The following OSGEPL1 variants were observed in gnomAD, a reference collection of about 807,000 sequenced individuals.
OSGEPL1 encodes the protein O-sialoglycoprotein endopeptidase like 1.
Under a neutral mutation model 37.2 loss-of-function variants are expected in OSGEPL1, and 26 were observed. The ratio of observed to expected loss-of-function variants is 0.70; its 90% CI spans 0.51 to 0.97. OSGEPL1 has a LOEUF of 0.97. Among genes scored for constraint, OSGEPL1 ranks in the 50% least tolerant of loss-of-function variants. The pLI, the probability that OSGEPL1 is intolerant of heterozygous loss-of-function variation, is 0.00. For synonymous variants in OSGEPL1, 140 were observed against 159.9 expected (o/e 0.88, Z 0.94); for missense variants, 404 against 487.0 (o/e 0.83, Z 1.60).
At chr2:189,749,362 G>C (rs1485584836) in intron 8 of OSGEPL1, among the ~76,000 whole-genome samples, 1 of 149,798 alleles carries the variant, frequency 6.7e-6, no homozygotes, top group Admixed American at 6.7e-5. Context: ...ATGAGCCTAG[G>C]AGTTCTACTC....
intron 8 of OSGEPL1, among the ~76,000 whole-genome samples, chr2:189,749,461 T>C (rs756844028): frequency 4.7e-4 from 71 of 151,664 alleles, no homozygotes; most frequent in Non-Finnish European, 3.2e-4. Flanking sequence ...GAGGGTTACA[T>C]TCAAAGAATT....
At chr2:189,755,957 A>G (rs1159941076) in intron 2 of OSGEPL1, among the ~76,000 whole-genome samples, 1 of 152,234 alleles carries the variant, frequency 6.6e-6, no homozygotes, top group Non-Finnish European at 1.5e-5. Flanking sequence ...TAAAATGATT[A>G]TATCTTAAAC....
rs776889692 is a variant in OSGEPL1 at position 189,753,951 on chromosome 2, G to A, written c.928C>T (p.Gln310Ter). Residue 310 changes from glutamine to a stop codon, truncating the protein, a stop_gained, in exon 5 of 9, where the codon CAG (glutamine) becomes TAG (stop). Coordinates refer to ENST00000264151, the MANE Select transcript of OSGEPL1 (RefSeq NM_022353.3). LOFTEE classifies it high-confidence loss of function. Reference sequence around the variant, plus strand: ...TTATTTTGAGGTAACAAGTCTCTCTGCTTACAAAACAGAATAGCCCGATGT... The same window carrying A: ...TTATTTTGAGGTAACAAGTCTCTCTACTTACAAAACAGAATAGCCCGATGT... ...RTHRAILFCK[Q>*]RDLLPQNNAV... 7 of 1,613,578 alleles carry A rather than the reference G, an allele frequency of 4.3e-6. No homozygotes were observed. The highest frequency in any genetic ancestry group is 1.1e-5 in the South Asian group (1 of 91,080).
intron 8 of OSGEPL1, among the ~76,000 whole-genome samples, chr2:189,748,128 C>T (rs188262546): frequency 5.3e-5 from 8 of 152,272 alleles, no homozygotes; most frequent in Non-Finnish European, 1.0e-4. Context: ...TTATTTTCCC[C>T]GATATGTACT....
chr2:189,753,568 A>C (rs2045626514), intron 5 of OSGEPL1, among the ~76,000 whole-genome samples: 1 of 149,064 alleles, frequency 6.7e-6, no homozygotes, highest in African/African-American at 2.6e-5. Flanking sequence ...TTAAAAAAAC[A>C]AACAAACAAA....
Position 189,752,735 on chromosome 2 carries a change from A to T in OSGEPL1, c.1095-11T>A. 1 of 1,613,964 alleles carries T rather than the reference A, an allele frequency of 6.2e-7. No homozygotes were observed. Among genetic ancestry groups the T allele is most frequent in the Non-Finnish European group, 8.5e-7 (1 of 1,179,862 alleles). On this transcript the variant is annotated splice_polypyrimidine_tract_variant and intron_variant, in intron 6 of 8. Transcript: ENST00000264151. ...CTTTCAATACCATTCCTAAATAAGAAGCATTAAAATAAAATCAATAGCTCC... is the reference window on the plus strand; with the variant it reads ...CTTTCAATACCATTCCTAAATAAGATGCATTAAAATAAAATCAATAGCTCC...
rs1266030185 is a variant in OSGEPL1, at chr2:189,750,549, C to T, written c.*28+1G>A. ...AAACTTAATTTTAACCTTAATACTACCTTTAGGGACTTTTTTGAACAGCAG... is the reference window on the plus strand; with the variant it reads ...AAACTTAATTTTAACCTTAATACTATCTTTAGGGACTTTTTTGAACAGCAG... On this transcript the variant is annotated splice_donor_variant, in intron 8 of 8. Transcript: ENST00000264151. LOFTEE classifies it low-confidence loss of function (3UTR_SPLICE). 7.9e-7 allele frequency: 1 copy of T among 1,265,778 alleles called. No individual in the cohort carries two copies. Among genetic ancestry groups the T allele is most frequent in the Non-Finnish European group, 1.1e-6 (1 of 885,698 alleles). 78.4% of individuals were successfully genotyped at this position (1,265,778 alleles called of 1,614,324 possible).
intron 8 of OSGEPL1, among the ~76,000 whole-genome samples, chr2:189,749,260 A>AAAAAAAAAGAT (rs1553538643): frequency 1.4e-5 from 2 of 142,092 alleles, no homozygotes; most frequent in African/African-American, 5.1e-5. Flanking sequence ...AAAAAAAAAA[A>AAAAAAAAAGAT]AAAAAAAGAT....
chr2:189,761,131 T>C (rs192412284), intron 2 of OSGEPL1: 153 of 237,500 alleles, frequency 6.4e-4, no homozygotes, highest in African/African-American at 1.7e-3. Context: ...CCATGAAACA[T>C]AGAAGTGGAG....
chr2:189,761,404 G>A lies in OSGEPL1; in HGVS notation c.221+16C>T. The A allele has an allele frequency of 6.3e-7, 1 of 1,582,868 alleles. No homozygotes were observed. The highest frequency in any genetic ancestry group is 8.5e-7 in the Non-Finnish European group (1 of 1,169,950). Reference sequence around the variant, plus strand: ...TTTCCAAAAAAGTGGAAATGACTAAGATAATGTCTACTTACTTTAAATGAA... The same window carrying A: ...TTTCCAAAAAAGTGGAAATGACTAAAATAATGTCTACTTACTTTAAATGAA... On this transcript the variant is annotated intron_variant, in intron 2 of 8. Transcript: ENST00000264151.
Position 189,746,845 on chromosome 2 carries a change from C to T in OSGEPL1, c.*352G>A. 5.0e-6 allele frequency: 2 copies of T among 398,768 alleles called. No homozygotes were observed. Among genetic ancestry groups the T allele is most frequent in the South Asian group, 4.6e-5 (1 of 21,952 alleles). 24.7% of individuals were successfully genotyped at this position (398,768 alleles called of 1,614,324 possible). A position where few individuals can be genotyped will look rare whatever the true frequency, so the allele number is the denominator to read the frequency against. ...TAGGATTTCTGTAAACAAAGGCCTG[C>T]ACTTAAACCTTAAAATTTATTGACT... On this transcript the variant is annotated 3_prime_UTR_variant, in exon 9 of 9. Transcript: ENST00000264151.
chr2:189,748,430 C>T (rs1190478996), intron 8 of OSGEPL1, among the ~76,000 whole-genome samples: 1 of 152,004 alleles, frequency 6.6e-6, no homozygotes, highest in Non-Finnish European at 1.5e-5. Context: ...TGCTATGTTG[C>T]CCAGGCTGGT....
Position 189,755,157 on chromosome 2 carries a change from A to T in OSGEPL1, c.609+16T>A, listed in dbSNP as rs532639931. The T allele has an allele frequency of 1.3e-6, 2 of 1,591,610 alleles. No individual in the cohort carries two copies. The highest frequency in any genetic ancestry group is 2.7e-5 in the African/African-American group (2 of 73,274). ...CAACATAACAAAAAAGAATGGAGAA[A>T]TTAATTCTTAATTACCTTGTCAAGC... On this transcript the variant is annotated intron_variant, in intron 3 of 8. Coordinates refer to ENST00000264151, the MANE Select transcript of OSGEPL1 (RefSeq NM_022353.3).
Position 189,754,233 on chromosome 2 carries a change from G to A in OSGEPL1, c.722C>T (p.Pro241Leu), listed in dbSNP as rs1208175422. The A allele has an allele frequency of 6.2e-7, 1 of 1,613,808 alleles. No homozygotes were observed. Among genetic ancestry groups the A allele is most frequent in the Non-Finnish European group, 8.5e-7 (1 of 1,179,792 alleles). ...ACAATTTTTAGCATGATGCAAGGGA[G>A]GTTTGATGTCAAAATGAAATCTATT... The part of the protein sequence containing the change: ...QGNRFHFDIK[P>L]PLHHAKNCDF... The change falls in exon 4 of 9, where the codon CCT (proline) becomes CTT (leucine). Residue 241 changes from proline to leucine, a missense_variant. By Grantham distance (98) the Pro-to-Leu change is moderately conservative. Transcript: ENST00000264151.
chr2:189,762,621 C>G (rs967824888), intron 1 of OSGEPL1, 64 bp downstream of exon 1: 4 of 985,308 alleles, frequency 4.1e-6, no homozygotes, highest in Non-Finnish European at 4.8e-6. Context: ...CGGGCGCAAA[C>G]TGGAACCGCT....
chr2:189,761,405 A>G lies in OSGEPL1; in HGVS notation c.221+15T>C, dbSNP rs1017088378. The G allele has an allele frequency of 6.3e-7, 1 of 1,584,462 alleles. No individual in the cohort carries two copies. The highest frequency in any genetic ancestry group is 8.5e-7 in the Non-Finnish European group (1 of 1,170,644). On this transcript the variant is annotated intron_variant, in intron 2 of 8. Coordinates refer to ENST00000264151, the MANE Select transcript of OSGEPL1 (RefSeq NM_022353.3). ...TTCCAAAAAAGTGGAAATGACTAAGATAATGTCTACTTACTTTAAATGAAC... is the reference window on the plus strand; with the variant it reads ...TTCCAAAAAAGTGGAAATGACTAAGGTAATGTCTACTTACTTTAAATGAAC...
chr2:189,750,905 T>C (rs2045070817), intron 7 of OSGEPL1, among the ~76,000 whole-genome samples: 2 of 152,234 alleles, frequency 1.3e-5, no homozygotes, highest in South Asian at 4.1e-4. Flanking sequence ...TCTCAAATAC[T>C]GTAAATAAGT....
rs2044229784 is a variant in OSGEPL1, at chr2:189,746,890, G to C, written c.*307C>G. On this transcript the variant is annotated 3_prime_UTR_variant, in exon 9 of 9. Transcript: ENST00000264151. ...TTGACTGACATGAGTGGTATAACTA[G>C]TGTATATATCAAGAGTTAACATTTT... 1 of 260,910 alleles carries C rather than the reference G, an allele frequency of 3.8e-6. No individual in the cohort carries two copies. 16.2% of individuals were successfully genotyped at this position (260,910 alleles called of 1,614,324 possible).
chr2:189,761,438 T>A lies in OSGEPL1; in HGVS notation c.203A>T (p.Gln68Leu). ...TACTTACTTTAAATGAACTTCAGTT[T>A]GGGAATGTATTGCTTCTCCCAACAC... ...GNVLGEAIHS[Q>L]TEVHLKTGGI... The change falls in exon 2 of 9, where the codon CAA becomes CTA. Residue 68 changes from glutamine (Q) to leucine (L), a missense_variant. Transcript: ENST00000264151. The A allele has an allele frequency of 6.2e-7, 1 of 1,602,992 alleles. No individual in the cohort carries two copies. The highest frequency in any genetic ancestry group is 1.1e-5 in the South Asian group (1 of 87,828).
Sources: allele counts gnomAD v4.1 joint callset (sites outside exome capture counted in the v4.1 genomes callset), GRCh38; gene constraint gnomAD v4.1.1; transcripts MANE v1.5; gene names NCBI Gene and HGNC (gene_info 2026-07-23, HGNC 2026-07-21).